Variants in SFRP1 observed in about 807,000 individuals in gnomAD.
The protein encoded by SFRP1 is secreted frizzled related protein 1.
SFRP1 carries 9 observed loss-of-function variants against 25.9 expected under a neutral mutation model. The observed-to-expected ratio is 0.35, with a 90% CI of 0.21 to 0.61. The LOEUF (loss-of-function observed/expected upper bound fraction) is 0.61, where lower values mean the gene tolerates loss of function less well. Among genes scored for constraint, SFRP1 ranks in the 20% least tolerant of loss-of-function variants. The probability of loss-of-function intolerance (pLI) is 0.78; values close to 1 mark genes in which losing one functional copy is unlikely to be tolerated. For missense variants in SFRP1, 346 were observed against 418.2 expected, an observed-to-expected ratio of 0.83 and a Z score of 1.51; for synonymous variants, 178 against 174.0, an observed-to-expected ratio of 1.02 and a Z score of -0.18.
At chr8:41,266,359 TAACCCAATTTACTCCACATGATC>T (rs1803435656) in intron 2 of SFRP1, among the ~76,000 whole-genome samples, 1 of 152,200 alleles carries the variant, frequency 6.6e-6, no homozygotes, top group Non-Finnish European at 1.5e-5. Context: ...AAGGGTCCTA[TAACCCAATTTACTCCACATGATC>T]TGATGCTATT....
At chr8:41,308,249 T>C (rs1217476729) in intron 1 of SFRP1, among the ~76,000 whole-genome samples, 1 of 152,250 alleles carries the variant, frequency 6.6e-6, no homozygotes, top group African/African-American at 2.4e-5. Context: ...GGAGTCCTCC[T>C]AGAGGAGAGG....
chr8:41,266,476 C>G (rs1326771097), intron 2 of SFRP1, among the ~76,000 whole-genome samples: 1 of 152,102 alleles, frequency 6.6e-6, no homozygotes, highest in Non-Finnish European at 1.5e-5. Context: ...CACTCTATTG[C>G]CCAGGCTGGA....
intron 2 of SFRP1, among the ~76,000 whole-genome samples, chr8:41,286,013 A>C (rs1803696191): frequency 7.3e-6 from 1 of 136,634 alleles, no homozygotes; most frequent in Non-Finnish European, 1.6e-5. Context: ...CATTCTATGG[A>C]ACTGGGCGGG....
At chr8:41,281,761 C>G (rs76415673) in intron 2 of SFRP1, among the ~76,000 whole-genome samples, 15 of 152,354 alleles carry the variant, frequency 9.8e-5, no homozygotes, top group Non-Finnish European at 2.1e-4. Context: ...CCACACCCTA[C>G]AGGGTGATGA....
chr8:41,307,823 A>AT (rs1430227571), intron 1 of SFRP1, among the ~76,000 whole-genome samples: 8 of 152,110 alleles, frequency 5.3e-5, no homozygotes, highest in African/African-American at 1.7e-4. Context: ...GAAAGTCTGC[A>AT]TTTTGCAGAG....
At chr8:41,273,572 G>T (rs1476202376) in intron 2 of SFRP1, among the ~76,000 whole-genome samples, 1 of 152,070 alleles carries the variant, frequency 6.6e-6, no homozygotes, top group Non-Finnish European at 1.5e-5. Flanking sequence ...TATAAGAGAA[G>T]GAATGATTAA....
At chr8:41,270,785 G>A (rs1223691406) in intron 2 of SFRP1, among the ~76,000 whole-genome samples, 1 of 144,240 alleles carries the variant, frequency 6.9e-6, no homozygotes, top group African/African-American at 2.6e-5. Flanking sequence ...AGCGCACACT[G>A]CACTCCAGCC....
At chr8:41,274,703 T>G (rs931537107) in intron 2 of SFRP1, among the ~76,000 whole-genome samples, 2 of 152,214 alleles carry the variant, frequency 1.3e-5, no homozygotes, top group African/African-American at 4.8e-5. Context: ...TCATAGGAAC[T>G]AGAGGTGGGA....
At chr8:41,308,547 GGGTTCTCCTGCA>G in intron 1 of SFRP1, 57 bp downstream of exon 1, 2 of 1,302,358 alleles carry the variant, frequency 1.5e-6, no homozygotes, top group Non-Finnish European at 2.1e-6. Flanking sequence ...AGGGTGGCGC[GGGTTCTCCTGCA>G]GCTCCGGCCG....
intron 2 of SFRP1, among the ~76,000 whole-genome samples, chr8:41,270,381 TG>T (rs1204859460): frequency 6.6e-6 from 1 of 152,054 alleles, no homozygotes; most frequent in Non-Finnish European, 1.5e-5. Context: ...AGCAAATGGA[TG>T]GTAGAATCTG....
chr8:41,272,450 A>T (rs958898697), intron 2 of SFRP1, among the ~76,000 whole-genome samples: 1 of 152,152 alleles, frequency 6.6e-6, no homozygotes, highest in African/African-American at 2.4e-5. Flanking sequence ...TCTCTACTGA[A>T]AATACAAAAA....
At chr8:41,267,035 A>C (rs909208551) in intron 2 of SFRP1, among the ~76,000 whole-genome samples, 1 of 152,016 alleles carries the variant, frequency 6.6e-6, no homozygotes, top group Non-Finnish European at 1.5e-5. Flanking sequence ...GACAGGCAGC[A>C]CTAATGTTCT....
At chr8:41,301,949 C>T (rs1292063736) in intron 2 of SFRP1, among the ~76,000 whole-genome samples, 2 of 152,246 alleles carry the variant, frequency 1.3e-5, no homozygotes, top group East Asian at 3.8e-4. Flanking sequence ...TGCCCTACAC[C>T]TTAAGGTCAA....
chr8:41,307,401 T>C (rs1404670239), intron 1 of SFRP1, among the ~76,000 whole-genome samples: 1 of 152,232 alleles, frequency 6.6e-6, no homozygotes, highest in Non-Finnish European at 1.5e-5. Context: ...TTCCCCCACC[T>C]GCCCAAATCC....
Position 41,265,134 on chromosome 8 carries a change from C to T in SFRP1, c.*33G>A, listed in dbSNP as rs372271949. 30 of 748,806 alleles carry T rather than the reference C, an allele frequency of 4.0e-5. No homozygotes were observed. Among genetic ancestry groups the T allele is most frequent in the East Asian group, 3.0e-5 (1 of 32,852 alleles). The allele number at this position is 748,806 out of a possible 1,614,324, so 46.4% of individuals were successfully genotyped here. A position where few individuals can be genotyped will look rare whatever the true frequency, so the allele number is the denominator to read the frequency against. On this transcript the variant is annotated 3_prime_UTR_variant, in exon 3 of 3. Transcript: ENST00000220772. ...CTGTCCCCCCCGCTCCCACCCCACC[C>T]GAGGCTCCCTCCCCACCCTGCCCCC...
intron 2 of SFRP1, chr8:41,271,442 C>G (rs1238634770): frequency 1.7e-5 from 3 of 177,112 alleles, no homozygotes; most frequent in Non-Finnish European, 3.8e-5. Flanking sequence ...GATGGGTCAC[C>G]AGCAGCTCTC....
intron 2 of SFRP1, among the ~76,000 whole-genome samples, chr8:41,269,992 A>C (rs72642720): frequency 0.012 from 1,819 of 152,344 alleles, 21 homozygotes; most frequent in Non-Finnish European, 0.021. Context: ...CACAGGGTCC[A>C]TTTAAATGGA....
At chr8:41,289,770 G>A (rs192472974) in intron 2 of SFRP1, among the ~76,000 whole-genome samples, 97 of 152,328 alleles carry the variant, frequency 6.4e-4, no homozygotes, top group Non-Finnish European at 9.8e-4. Context: ...CAAGACCATA[G>A]GAGTGTTCCC....
At chr8:41,302,641 A>T (rs1803938128) in intron 2 of SFRP1, among the ~76,000 whole-genome samples, 1 of 152,174 alleles carries the variant, frequency 6.6e-6, no homozygotes, top group Admixed American at 6.5e-5. Context: ...GGCGAGAGAG[A>T]GGGAGCTGGC....
Sources: allele counts gnomAD v4.1 joint callset (sites outside exome capture counted in the v4.1 genomes callset), GRCh38; gene constraint gnomAD v4.1.1; transcripts MANE v1.5; gene names NCBI Gene and HGNC (gene_info 2026-07-23, HGNC 2026-07-21).